The following TRPC3 variants were observed in gnomAD, a reference collection of about 807,000 sequenced individuals.
The protein encoded by TRPC3 is short transient receptor potential channel 3.
TRPC3 carries 54 observed loss-of-function variants against 90.9 expected under a neutral mutation model. That is an observed-to-expected ratio of 0.59 (90% CI 0.48 to 0.75). The LOEUF (loss-of-function observed/expected upper bound fraction) is 0.75. Among genes scored for constraint, TRPC3 ranks in the 30% least tolerant of loss-of-function variants. The probability of loss-of-function intolerance (pLI) is 0.00; values close to 1 mark genes in which losing one functional copy is unlikely to be tolerated. For missense variants in TRPC3, 918 were observed against 1,194.5 expected (o/e 0.77, Z 3.41); for synonymous variants, 424 against 450.9 (o/e 0.94, Z 0.75).
chr4:121,940,837 A>G (rs1730284044), intron 1 of TRPC3, among the ~76,000 whole-genome samples: 1 of 152,158 alleles, frequency 6.6e-6, no homozygotes, highest in Non-Finnish European at 1.5e-5. Flanking sequence ...CCTCAGTTCA[A>G]TTGAGGATAA....
In TRPC3 at chr4:121,910,233, T is replaced by C; in HGVS notation, c.1713A>G (p.Gln571=). The change falls in exon 6 of 12, where the codon CAA becomes CAG. Residue 571 remains glutamine (Q), a synonymous_variant. Transcript: ENST00000379645. ...CTTGGACGTAACTGTCCACATACTG[T>C]TGTGCCTTCGTTGCCTGAAGGAAAG... ...FLAFLQATKA[Q]QYVDSYVQES... is the part of the protein sequence containing the mutation. 1 of 1,613,808 alleles carries C rather than the reference T, an allele frequency of 6.2e-7. No homozygotes were observed. The highest frequency in any genetic ancestry group is 1.7e-4 in the Middle Eastern group (1 of 6,058).
At chr4:121,950,150 C>T (rs1048533011) in intron 1 of TRPC3, among the ~76,000 whole-genome samples, 2 of 152,174 alleles carry the variant, frequency 1.3e-5, no homozygotes, top group African/African-American at 4.8e-5. Context: ...ATAACTGAAC[C>T]ACATCGGGAT....
At chr4:121,888,760 AT>A (rs1333803245) in intron 10 of TRPC3, among the ~76,000 whole-genome samples, 1 of 152,208 alleles carries the variant, frequency 6.6e-6, no homozygotes, top group Admixed American at 6.5e-5. Flanking sequence ...ATGAAAAAAA[AT>A]CTCTAACAAC....
rs142981304 is a variant in TRPC3 at position 121,919,853 on chromosome 4, G to T, written c.1177-4909C>A. On this transcript the variant is annotated intron_variant, in intron 3 of 11. Transcript: ENST00000379645. ...AGAGCCCAGTTTTCCAGATTCAGTG[G>T]TCTACCAAGCTCTAGTATCTTTTGT... Among the ~76,000 whole-genome samples the T allele has an allele frequency of 1.3e-3, 203 of 152,228 alleles. 1 individual carries two copies. Among genetic ancestry groups the T allele is most frequent in the African/African-American group, 4.7e-3 (196 of 41,526 alleles).
At chr4:121,905,975 T>C (rs1728866256) in intron 7 of TRPC3, among the ~76,000 whole-genome samples, 1 of 152,110 alleles carries the variant, frequency 6.6e-6, no homozygotes, top group South Asian at 2.1e-4. Flanking sequence ...CTCCTTCCTC[T>C]TGCTCCTTTG....
Position 121,951,377 on chromosome 4 carries a change from T to A in TRPC3, c.215+89A>T. ...CATGTGGGTCTCGGAGGTCCCGGGC[T>A]CGACGTGGAGCCGCCCGGCGCGCGC... On this transcript the variant is annotated intron_variant, in intron 1 of 11. Coordinates refer to ENST00000379645, the MANE Select transcript of TRPC3 (RefSeq NM_001130698.2). The surrounding 1 kb of genome is among the most constrained non-coding windows in gnomAD (Gnocchi z 4.4). 1.1e-6 allele frequency: 1 copy of A among 896,834 alleles called. No individual in the cohort carries two copies. Among genetic ancestry groups the A allele is most frequent in the Non-Finnish European group, 1.4e-6 (1 of 715,758 alleles). 55.6% of individuals were successfully genotyped at this position (896,834 alleles called of 1,614,324 possible).
intron 10 of TRPC3, among the ~76,000 whole-genome samples, chr4:121,896,923 C>T (rs549275307): frequency 2.6e-5 from 4 of 152,080 alleles, no homozygotes; most frequent in Non-Finnish European, 4.4e-5. Flanking sequence ...CAAAACTACA[C>T]GGTACTGGCA....
In TRPC3 at chr4:121,951,972, G is replaced by A; in HGVS notation, c.-292C>T. Reference sequence around the variant, plus strand: ...GAGCGGGGCTCTGGTGCTGGGAGAGGCTCTCCAGCCCCGCGGCGGCGGCGA... The same window carrying A: ...GAGCGGGGCTCTGGTGCTGGGAGAGACTCTCCAGCCCCGCGGCGGCGGCGA... On this transcript the variant is annotated 5_prime_UTR_variant, in exon 1 of 12. Transcript: ENST00000379645. This position sits in a 1 kb window ranked among gnomAD's most constrained non-coding sequence, Gnocchi z 4.4. Among the ~76,000 whole-genome samples, 1 of 150,354 alleles carries A rather than the reference G, an allele frequency of 6.7e-6. No individual in the cohort carries two copies. The highest frequency in any genetic ancestry group is 2.4e-5 in the African/African-American group (1 of 40,832).
intron 1 of TRPC3, among the ~76,000 whole-genome samples, chr4:121,936,998 G>A (rs1056380505): frequency 6.6e-6 from 1 of 152,130 alleles, no homozygotes; most frequent in Non-Finnish European, 1.5e-5. Flanking sequence ...GCTCTTCTGA[G>A]AAATATTGTG....
chr4:121,912,842 A>G (rs903317031), intron 4 of TRPC3, among the ~76,000 whole-genome samples: 1 of 152,250 alleles, frequency 6.6e-6, no homozygotes, highest in African/African-American at 2.4e-5. Flanking sequence ...TAATGTCCTT[A>G]AAAGTCCCAC....
At chr4:121,912,408 C>T (rs1418432287) in intron 4 of TRPC3, among the ~76,000 whole-genome samples, 1 of 152,036 alleles carries the variant, frequency 6.6e-6, no homozygotes, top group Non-Finnish European at 1.5e-5. Flanking sequence ...AAAGAATATG[C>T]AAAGTCTGGA....
chr4:121,924,685 C>T (rs1209055291), intron 3 of TRPC3, among the ~76,000 whole-genome samples: 3 of 152,130 alleles, frequency 2.0e-5, no homozygotes, highest in Non-Finnish European at 4.4e-5. Context: ...GAACTACAGG[C>T]ACGTGCCACC....
chr4:121,921,366 CA>C (rs1427260221), intron 3 of TRPC3, among the ~76,000 whole-genome samples: 1 of 150,978 alleles, frequency 6.6e-6, no homozygotes, highest in African/African-American at 2.4e-5. Context: ...ACTAAAAATA[CA>C]AAAAATTAGC....
intron 1 of TRPC3, among the ~76,000 whole-genome samples, chr4:121,940,100 A>G (rs1278785453): frequency 1.3e-5 from 2 of 152,172 alleles, no homozygotes; most frequent in East Asian, 3.8e-4. Flanking sequence ...TGAGACTCTG[A>G]GCCCTTTAGA....
chr4:121,923,512 G>A (rs988250104), intron 3 of TRPC3, among the ~76,000 whole-genome samples: 3 of 152,060 alleles, frequency 2.0e-5, no homozygotes, highest in Non-Finnish European at 4.4e-5. Context: ...CTCTGGGTAT[G>A]AATTTTCATA....
chr4:121,893,120 CAAA>C (rs70950857), intron 10 of TRPC3, among the ~76,000 whole-genome samples: 2 of 105,614 alleles, frequency 1.9e-5, no homozygotes. Context: ...GACTCTGTCA[CAAA>C]AAAAAAAAAA....
chr4:121,950,722 G>C (rs1418871649), intron 1 of TRPC3: 1 of 152,272 alleles, frequency 6.6e-6, no homozygotes, highest in African/African-American at 2.4e-5. Flanking sequence ...GCGCCGGGGC[G>C]CGAGCCGCTG....
chr4:121,915,143 G>A (rs1729265677), intron 3 of TRPC3, among the ~76,000 whole-genome samples, 199 bp from the exon 4 acceptor site: 1 of 152,174 alleles, frequency 6.6e-6, no homozygotes, highest in African/African-American at 2.4e-5. Flanking sequence ...ACTAATAGAA[G>A]AATTAGAATG....
At chr4:121,941,587 CAAAAGACAAGAAAGTCAGAGAAG>C (rs137945445) in intron 1 of TRPC3, among the ~76,000 whole-genome samples, 86,699 of 150,642 alleles carry the variant, frequency 0.58, 25,191 homozygotes, top group Admixed American at 0.66. Flanking sequence ...CAGGTACTGA[CAAAAGACAAGAAAGTCAGAGAAG>C]AAAAGACAAG....
Sources: gnomAD v4.1 joint callset for allele counts (sites outside exome capture counted in the v4.1 genomes callset) on GRCh38, gnomAD v4.1.1 for gene constraint, Gnocchi (gnomAD v3.1) non-coding constraint, MANE v1.5 for transcripts, NCBI Gene and HGNC (gene_info 2026-07-23, HGNC 2026-07-21) for gene names.